The following MCF2 variants were observed in gnomAD, a reference collection of about 807,000 sequenced individuals.
MCF2 encodes the protein MCF.2 cell line derived transforming sequence.
MCF2 carries 44 observed loss-of-function variants against 82.5 expected under a neutral mutation model. The ratio of observed to expected loss-of-function variants is 0.53; its 90% CI spans 0.42 to 0.69. The LOEUF is 0.69. MCF2 is among the 30% of genes least tolerant of loss of function. The pLI is 0.00. For synonymous variants in MCF2, 217 were observed against 224.9 expected (o/e 0.96, Z 0.32); for missense variants, 623 against 663.1 (o/e 0.94, Z 0.66).
chrX:139,688,757 C>T (rs942519611), intron 1 of MCF2, among the ~76,000 whole-genome samples: 15 of 111,101 alleles, frequency 1.4e-4, no homozygotes, highest in African/African-American at 4.9e-4. Flanking sequence ...TAATGTGTGC[C>T]TACTTCTGTA....
chrX:139,612,267 G>C (rs186329939), intron 10 of MCF2, among the ~76,000 whole-genome samples: 37 of 110,628 alleles, frequency 3.3e-4, no homozygotes, highest in African/African-American at 1.1e-3. Flanking sequence ...TTGCAGGAGA[G>C]ATGAGTTAAT....
intron 11 of MCF2, among the ~76,000 whole-genome samples, chrX:139,609,782 C>A (rs755049743): frequency 4.5e-5 from 5 of 110,598 alleles, no homozygotes; most frequent in Non-Finnish European, 9.5e-5. Context: ...GCTATGGTCA[C>A]CCCTGTGAAT....
intron 19 of MCF2, among the ~76,000 whole-genome samples, chrX:139,591,853 G>A (rs1423695942): frequency 2.8e-5 from 3 of 108,551 alleles, no homozygotes; most frequent in Non-Finnish European, 5.7e-5. Context: ...AATACAGCCA[G>A]GTAACAAACC....
intron 1 of MCF2, chrX:139,691,897 T>A: frequency 8.6e-7 from 1 of 1,156,835 alleles, no homozygotes; most frequent in Non-Finnish European, 1.2e-6. Context: ...GGGGAGGAGA[T>A]GAGAGGAGGG....
chrX:139,643,778 T>A (rs2148516644), upstream of MCF2, among the ~76,000 whole-genome samples: 1 of 111,356 alleles, frequency 9.0e-6, no homozygotes, highest in Admixed American at 9.6e-5. Flanking sequence ...CCTAATCTTA[T>A]ATTTCTCTTT....
intron 11 of MCF2, among the ~76,000 whole-genome samples, chrX:139,609,466 T>C (rs778694468): frequency 1.8e-5 from 2 of 111,457 alleles, no homozygotes; most frequent in Non-Finnish European, 3.8e-5. Context: ...GTAGGATTTC[T>C]TGAGCCCAAG....
chrX:139,619,595 T>A, exon 7 of MCF2: 3 of 1,147,312 alleles, frequency 2.6e-6, no homozygotes, highest in Non-Finnish European at 2.4e-6. Flanking sequence ...ACCTGAGAAT[T>A]TTCATCTAAG....
chrX:139,605,217 T>G (rs1161044634), intron 13 of MCF2, among the ~76,000 whole-genome samples: 1 of 107,683 alleles, frequency 9.3e-6, no homozygotes, highest in Non-Finnish European at 1.9e-5. Flanking sequence ...TCCAATCAAA[T>G]AGGCAGAATA....
intron 24 of MCF2, among the ~76,000 whole-genome samples, chrX:139,584,128 C>CA (rs1184841644): frequency 0.022 from 1,597 of 72,652 alleles, 61 homozygotes; most frequent in African/African-American, 0.085. Flanking sequence ...TGCCATTATC[C>CA]TTTTTTTTTT....
intron 1 of MCF2, among the ~76,000 whole-genome samples, chrX:139,699,564 C>G (rs1321045474): frequency 2.7e-5 from 3 of 112,164 alleles, no homozygotes; most frequent in Non-Finnish European, 5.6e-5. Context: ...CTCAATGGAT[C>G]TACCTATTCT....
At chrX:139,609,257 C>A (rs887547293) in intron 11 of MCF2, among the ~76,000 whole-genome samples, 5 of 112,503 alleles carry the variant, frequency 4.4e-5, no homozygotes, top group Admixed American at 2.8e-4. Flanking sequence ...AATGTGGGGT[C>A]TTGGGGACTG....
At chrX:139,585,212 C>A in intron 23 of MCF2, 34 bp from the exon 28 acceptor site, 1 of 898,429 alleles carries the variant, frequency 1.1e-6, no homozygotes, top group Non-Finnish European at 1.6e-6. Context: ...GCAGTTACTT[C>A]ATGGTGCTAA....
intron 1 of MCF2, among the ~76,000 whole-genome samples, chrX:139,685,533 T>A (rs966177355): frequency 3.6e-5 from 4 of 111,035 alleles, no homozygotes; most frequent in Non-Finnish European, 5.7e-5. Flanking sequence ...ATCACGACCC[T>A]CTCAAGTGGA....
chrX:139,672,591 G>A (rs1030485109), intron 1 of MCF2, among the ~76,000 whole-genome samples: 1 of 111,940 alleles, frequency 8.9e-6, no homozygotes, highest in Non-Finnish European at 1.9e-5. Context: ...TTTTGCCGTT[G>A]GTCCTGTTTA....
rs371051614 is a variant in MCF2, at chrX:139,615,046, T to C, written c.1198A>G (p.Met400Val). 1.7e-6 allele frequency: 2 copies of C among 1,195,329 alleles called. No individual in the cohort carries two copies. The highest frequency in any genetic ancestry group is 2.2e-5 in the Admixed American group (1 of 45,241). The change falls in exon 10 of 25, where the codon ATG (methionine) becomes GTG (valine). Residue 400 changes from methionine to valine, a missense_variant. Physicochemically the swap from Met to Val is conservative, Grantham distance 21. Coordinates refer to ENST00000370576, the Ensembl canonical transcript of MCF2. ...TCAAGCTTGAGTTGTATAGTCTTCA[T>C]TTGAACCTGCGAGTTGTATAAGAAT... is the stretch of plus-strand genomic sequence containing the variant.
chrX:139,608,962 T>C (rs947639085), intron 11 of MCF2, among the ~76,000 whole-genome samples: 1 of 112,064 alleles, frequency 8.9e-6, no homozygotes, highest in African/African-American at 3.2e-5. Flanking sequence ...CTGCTATTAA[T>C]TATATTAAAA....
intron 16 of MCF2, among the ~76,000 whole-genome samples, chrX:139,601,711 T>C (rs1930566317): frequency 9.0e-6 from 1 of 111,331 alleles, no homozygotes; most frequent in Non-Finnish European, 1.9e-5. Context: ...AAAAATTATG[T>C]TCACCAAGAT....
At chrX:139,645,618 G>A (rs1271966291), upstream of MCF2, 7 of 1,202,529 alleles carry the variant, frequency 5.8e-6, no homozygotes, top group Non-Finnish European at 7.9e-6. Flanking sequence ...TCCAATCTTC[G>A]ATCCAGAATA....
At chrX:139,604,827 T>C in intron 14 of MCF2, 42 bp downstream of exon 18, 1 of 1,067,267 alleles carries the variant, frequency 9.4e-7, no homozygotes, top group Non-Finnish European at 1.3e-6. Context: ...GCACTTTAAA[T>C]AGTTTTATAA....
Sources: gnomAD v4.1 joint callset for allele counts (sites outside exome capture counted in the v4.1 genomes callset) on GRCh38, gnomAD v4.1.1 for gene constraint, MANE v1.5 for transcripts, NCBI Gene and HGNC (gene_info 2026-07-23, HGNC 2026-07-21) for gene names.